Variants in UPK1A observed in about 807,000 individuals in gnomAD.
UPK1A encodes uroplakin-1a.
UPK1A carries 31 observed loss-of-function variants against 32.3 expected under a neutral mutation model. That is an observed-to-expected ratio of 0.96 (90% CI 0.72 to 1.30). The LOEUF (loss-of-function observed/expected upper bound fraction) is 1.30. Among genes scored for constraint, UPK1A ranks in the 50% most tolerant of loss-of-function variants. The pLI is 0.00. For synonymous variants in UPK1A, 135 were observed against 137.1 expected, an observed-to-expected ratio of 0.98 and a Z score of 0.11; for missense variants, 340 against 357.4, an observed-to-expected ratio of 0.95 and a Z score of 0.39.
At position 35,673,326 on chromosome 19, in the gene UPK1A, G is replaced by A; in HGVS notation, c.360+20G>A. On this transcript the variant is annotated intron_variant, in intron 4 of 7. Coordinates refer to ENST00000617999, the Ensembl canonical transcript of UPK1A. ...GACTACGTGAGCCCGGCGAGGCCTG[G>A]GGAGGGGCCTGACCTGCATGGGAGG... 2 of 1,613,860 alleles carry A rather than the reference G, an allele frequency of 1.2e-6. No individual in the cohort carries two copies. Among genetic ancestry groups the A allele is most frequent in the Non-Finnish European group, 1.7e-6 (2 of 1,179,928 alleles).
In UPK1A at chr19:35,675,824, C is replaced by T. The variant is rs779399046; in HGVS notation, c.469-16C>T. On this transcript the variant is annotated splice_polypyrimidine_tract_variant and intron_variant, in intron 5 of 7. Coordinates refer to ENST00000617999, the Ensembl canonical transcript of UPK1A. ...TCTGAGCCCGAGCCTGCCTGACCCC[C>T]TGCTTTTCACTCTAGCAAGAATGCT... 6.3e-7 allele frequency: 1 copy of T among 1,594,750 alleles called. No individual in the cohort carries two copies. The highest frequency in any genetic ancestry group is 8.6e-7 in the Non-Finnish European group (1 of 1,167,012).
intron 6 of UPK1A, 171 bp downstream of exon 6, chr19:35,676,190 TC>T: frequency 1.2e-6 from 1 of 818,640 alleles, no homozygotes; most frequent in Admixed American, 2.6e-5. Context: ...TTTCTTTCTT[TC>T]TTTCTTTTTT....
intron 5 of UPK1A, among the ~76,000 whole-genome samples, chr19:35,674,270 A>G (rs1361526244): frequency 8.5e-5 from 10 of 117,678 alleles, no homozygotes. Flanking sequence ...TTTTTGAGAC[A>G]GAGTCTTGCT....
intron 3 of UPK1A, among the ~76,000 whole-genome samples, chr19:35,670,555 C>T (rs1599630096): frequency 1.2e-5 from 1 of 84,492 alleles, no homozygotes; most frequent in African/African-American, 4.7e-5. Flanking sequence ...CCTCCCCTCC[C>T]CTCCTCTCCC....
chr19:35,674,760 G>A (rs1263638732), intron 5 of UPK1A, among the ~76,000 whole-genome samples: 1 of 152,086 alleles, frequency 6.6e-6, no homozygotes, highest in African/African-American at 2.4e-5. Context: ...GGAAGAAATT[G>A]GCTGGGTGCA....
At chr19:35,677,826 C>T (rs1340454536) in exon 7 of UPK1A, 1 of 1,612,130 alleles carries the variant, frequency 6.2e-7, no homozygotes, top group South Asian at 1.1e-5. Flanking sequence ...GCTTCGAACA[C>T]ATCGGCCACG....
chr19:35,673,437 G>A lies in UPK1A; in HGVS notation c.361-1G>A. On this transcript the variant is annotated splice_acceptor_variant, in intron 4 of 7. Coordinates refer to ENST00000617999, the Ensembl canonical transcript of UPK1A. LOFTEE classifies it high-confidence loss of function. The stretch of plus-strand genomic sequence containing the variant: ...CCCTTGTTCTTCCCTGTTCTCCTCA[G>A]ATGGTGTCCAACCCATCCCTGATCA... 6.2e-7 allele frequency: 1 copy of A among 1,613,742 alleles called. No individual in the cohort carries two copies. The highest frequency in any genetic ancestry group is 8.5e-7 in the Non-Finnish European group (1 of 1,179,910).
chr19:35,675,115 C>G (rs1400083267), intron 5 of UPK1A, among the ~76,000 whole-genome samples: 4 of 151,656 alleles, frequency 2.6e-5, no homozygotes, highest in Admixed American at 2.6e-4. Flanking sequence ...CCCAAGTCCT[C>G]TAGCTAGCCA....
intron 2 of UPK1A, among the ~76,000 whole-genome samples, chr19:35,667,306 T>TTTTTGTTTTGTTTTG (rs142423365): frequency 8.0e-5 from 12 of 150,084 alleles, no homozygotes; most frequent in African/African-American, 2.5e-4. Flanking sequence ...GGTTTTGTGT[T>TTTTTGTTTTGTTTTG]TTTTGTTTTG....
In UPK1A at chr19:35,675,969, C is replaced by G. The variant is rs751939866; in HGVS notation, c.598C>G (p.Leu200Val). The G allele has an allele frequency of 2.5e-6, 4 of 1,613,888 alleles. No homozygotes were observed. In the South Asian group the frequency reaches 4.4e-5, roughly 18 times the overall value. ...TCGCCGGACGGGAAACTTCATCCCC[C>G]TCAACGAGGAGGGCTGCCGCCTGGG... Residue 200 changes from leucine (L) to valine (V), a missense_variant, in exon 6 of 8, where the codon CTC becomes GTC. Transcript: ENST00000617999.
intron 2 of UPK1A, among the ~76,000 whole-genome samples, chr19:35,667,379 G>A (rs1968015247): frequency 6.6e-6 from 1 of 152,232 alleles, no homozygotes; most frequent in African/African-American, 2.4e-5. Flanking sequence ...TGTTGCCCAG[G>A]CTGGAGTGCA....
intron 3 of UPK1A, among the ~76,000 whole-genome samples, chr19:35,670,674 TTCCCTCCCTCCC>T (rs750975881): frequency 7.3e-5 from 7 of 95,970 alleles, no homozygotes; most frequent in East Asian, 8.0e-4. Flanking sequence ...CCTTCCTTCT[TTCCCTCCCTCCC>T]TCCCTCCCTC....
At chr19:35,678,236 C>T in exon 8 of UPK1A, 1 of 500,646 alleles carries the variant, frequency 2.0e-6, no homozygotes, top group Non-Finnish European at 3.5e-6. Context: ...ATCCTTAGCC[C>T]ATCTTTCAAG....
chr19:35,666,700 G>A, intron 1 of UPK1A, 109 bp from the exon 2 acceptor site: 1 of 1,101,546 alleles, frequency 9.1e-7, no homozygotes, highest in Non-Finnish European at 1.3e-6. Context: ...TACCAGCCTG[G>A]GCCCCGCAGA....
At chr19:35,675,430 C>T (rs913859256) in intron 5 of UPK1A, among the ~76,000 whole-genome samples, 16 of 151,992 alleles carry the variant, frequency 1.1e-4, no homozygotes, top group African/African-American at 3.6e-4. Flanking sequence ...TACAGGCGCC[C>T]ACCACCACAC....
exon 8 of UPK1A, chr19:35,678,135 T>C: frequency 7.8e-7 from 1 of 1,287,392 alleles, no homozygotes; most frequent in Non-Finnish European, 1.1e-6. Context: ...CCCTAGCCCT[T>C]ACGTCCTTCC....
intron 3 of UPK1A, 136 bp from the exon 4 acceptor site, chr19:35,673,096 C>T (rs1291834201): frequency 1.4e-6 from 1 of 725,234 alleles, no homozygotes; most frequent in South Asian, 1.6e-5. Context: ...CCTGAACACC[C>T]ACCACATATT....
intron 5 of UPK1A, among the ~76,000 whole-genome samples, chr19:35,674,264 TGA>T (rs1345642615): frequency 3.6e-5 from 5 of 139,766 alleles, no homozygotes; most frequent in Admixed American, 7.2e-5. Flanking sequence ...TTTTTTTTTT[TGA>T]GACAGAGTCT....
At position 35,675,823 on chromosome 19, in the gene UPK1A, C is replaced by T. The variant is rs755011256; in HGVS notation, c.469-17C>T. On this transcript the variant is annotated splice_polypyrimidine_tract_variant and intron_variant, in intron 5 of 7. Transcript: ENST00000617999. The stretch of plus-strand genomic sequence containing the variant: ...CTCTGAGCCCGAGCCTGCCTGACCC[C>T]CTGCTTTTCACTCTAGCAAGAATGC... 7 of 1,594,224 alleles carry T rather than the reference C, an allele frequency of 4.4e-6. No homozygotes were observed. The highest frequency in any genetic ancestry group is 4.0e-5 in the African/African-American group (3 of 74,552).
Sources: gnomAD v4.1 joint callset for allele counts (sites outside exome capture counted in the v4.1 genomes callset) on GRCh38, gnomAD v4.1.1 for gene constraint, MANE v1.5 for transcripts, NCBI Gene and HGNC (gene_info 2026-07-23, HGNC 2026-07-21) for gene names.